The following NOVA1 variants were observed in gnomAD, a reference collection of about 807,000 sequenced individuals.
The protein encoded by NOVA1 is NOVA alternative splicing regulator 1, also known as RNA-binding protein Nova-1.
In NOVA1, 7 loss-of-function variants were observed where a neutral mutation model predicts 38.0. The observed-to-expected ratio is 0.18, with a 90% CI of 0.10 to 0.35. NOVA1 has a LOEUF of 0.35. Among genes scored for constraint, NOVA1 ranks in the 10% least tolerant of loss-of-function variants. The pLI is 1.00. For missense variants in NOVA1, 460 were observed against 616.0 expected, an observed-to-expected ratio of 0.75 and a Z score of 2.68; for synonymous variants, 270 against 232.5, an observed-to-expected ratio of 1.16 and a Z score of -1.47.
At position 26,448,730 on chromosome 14, in the gene NOVA1, G is replaced by A. The variant is rs373799157; in HGVS notation, c.753C>T (p.Leu251=). The A allele has an allele frequency of 6.2e-7, 1 of 1,614,050 alleles. No individual in the cohort carries two copies. The highest frequency in any genetic ancestry group is 1.7e-5 in the Admixed American group (1 of 59,994). ...CTGTCACATTGGCATAACTGATATTGAGACAGCTGCCACTTTGTGGATCCT... is the reference window on the plus strand; with the variant it reads ...CTGTCACATTGGCATAACTGATATTAAGACAGCTGCCACTTTGTGGATCCT... ...IQEDPQSGSC[L]NISYANVTGP... The change falls in exon 5 of 5, where the codon CTC becomes CTT. Residue 251 remains leucine, a synonymous_variant. Coordinates refer to ENST00000539517, the MANE Select transcript of NOVA1 (RefSeq NM_002515.3). This position sits in a 1 kb window ranked among gnomAD's most constrained non-coding sequence, Gnocchi z 5.3.
chr14:26,533,971 C>A (rs578259170), intron 2 of NOVA1, among the ~76,000 whole-genome samples: 3 of 152,252 alleles, frequency 2.0e-5, no homozygotes, highest in African/African-American at 7.2e-5. Flanking sequence ...TGTGATATTT[C>A]AAACTATAAA....
Position 26,527,074 on chromosome 14 carries a change from G to C in NOVA1, c.281-46931C>G, listed in dbSNP as rs189273546. Among the ~76,000 whole-genome samples the C allele has an allele frequency of 9.2e-5, 14 of 152,324 alleles. No homozygotes were observed. In the East Asian group the frequency reaches 2.5e-3, roughly 27 times the overall value. ...AGGTGCTCTGGGCCACTGCAGCTGT[G>C]TGGCCCCAAGGAAAACTGTTTAAAA... On this transcript the variant is annotated intron_variant, in intron 2 of 4. Coordinates refer to ENST00000539517, the MANE Select transcript of NOVA1 (RefSeq NM_002515.3).
rs1218124205 is a variant in NOVA1 at position 26,472,299 on chromosome 14, G to GA, written c.519+20dup. On this transcript the variant is annotated intron_variant, in intron 4 of 4. Transcript: ENST00000539517. ...AATCACCCGTGAAAAGTATGGTGTA[G>GA]ATGACAGGATGATACTGTACCTGAT... The GA allele has an allele frequency of 7.5e-6, 11 of 1,462,184 alleles. No homozygotes were observed. The South Asian group carries it at 1.0e-4, about 14-fold the overall frequency. 90.6% of individuals were successfully genotyped at this position (1,462,184 alleles called of 1,614,324 possible).
intron 2 of NOVA1, among the ~76,000 whole-genome samples, chr14:26,487,036 T>A (rs1566469095): frequency 6.6e-6 from 1 of 152,136 alleles, no homozygotes; most frequent in Non-Finnish European, 1.5e-5. Context: ...AAATAGATGA[T>A]TTACATTCAT....
At chr14:26,594,291 T>G (rs1195319520) in intron 2 of NOVA1, 2 of 152,006 alleles carry the variant, frequency 1.3e-5, no homozygotes, top group African/African-American at 4.8e-5. Context: ...TTATCCAGTA[T>G]AATGGTCCAT....
At chr14:26,554,107 C>T (rs1891330266) in intron 2 of NOVA1, among the ~76,000 whole-genome samples, 1 of 148,334 alleles carries the variant, frequency 6.7e-6, no homozygotes, top group East Asian at 2.0e-4. Context: ...CAAGACTGCA[C>T]CACTGCATTC....
intron 2 of NOVA1, among the ~76,000 whole-genome samples, chr14:26,530,470 A>G (rs1219060519): frequency 6.6e-6 from 1 of 152,196 alleles, no homozygotes; most frequent in African/African-American, 2.4e-5. Flanking sequence ...GTGCCTATAT[A>G]TAAATAAATA....
At chr14:26,566,058 T>C (rs1892119090) in intron 2 of NOVA1, among the ~76,000 whole-genome samples, 1 of 152,102 alleles carries the variant, frequency 6.6e-6, no homozygotes, top group Non-Finnish European at 1.5e-5. Flanking sequence ...ATATGAATGA[T>C]GAAATATTCC....
rs535198163 is a variant in NOVA1 at position 26,547,451 on chromosome 14, T to C, written c.280+47959A>G. ...TAAAAAGTTCCCATCTGATTCTTTT[T>C]CAAATCCCATACACTATGGGTATAA... On this transcript the variant is annotated intron_variant, in intron 2 of 4. Coordinates refer to ENST00000539517, the MANE Select transcript of NOVA1 (RefSeq NM_002515.3). 3.2e-4 allele frequency among the ~76,000 whole-genome samples: 49 copies of C among 152,292 alleles called. No individual in the cohort carries two copies. The South Asian group carries it at 0.01, about 32-fold the overall frequency.
At chr14:26,556,385 T>A (rs939413033) in intron 2 of NOVA1, among the ~76,000 whole-genome samples, 1 of 152,050 alleles carries the variant, frequency 6.6e-6, no homozygotes, top group Non-Finnish European at 1.5e-5. Context: ...AGAGAGGAGG[T>A]AATTCAATAC....
intron 2 of NOVA1, among the ~76,000 whole-genome samples, chr14:26,595,155 T>A (rs1894111601): frequency 6.6e-6 from 1 of 152,178 alleles, no homozygotes; most frequent in Non-Finnish European, 1.5e-5. Flanking sequence ...TTTTTGCTAA[T>A]AAGAATTATT....
chr14:26,579,937 AT>A (rs1218864424), intron 2 of NOVA1, among the ~76,000 whole-genome samples: 1 of 152,012 alleles, frequency 6.6e-6, no homozygotes, highest in Admixed American at 6.6e-5. Flanking sequence ...AAATTAAATT[AT>A]TTTTAGAGAT....
intron 2 of NOVA1, chr14:26,593,909 A>G (rs1689882085): frequency 6.6e-6 from 1 of 151,920 alleles, no homozygotes; most frequent in African/African-American, 2.4e-5. Context: ...TTTCATTTTC[A>G]TCTATTGACA....
chr14:26,596,626 A>C, intron 1 of NOVA1: 4 of 1,289,182 alleles, frequency 3.1e-6, no homozygotes, highest in Non-Finnish European at 2.0e-6. Flanking sequence ...GCAAATGAAG[A>C]AGCGATATCG....
chr14:26,483,969 G>A (rs1246361899), intron 2 of NOVA1, among the ~76,000 whole-genome samples: 1 of 152,074 alleles, frequency 6.6e-6, no homozygotes, highest in African/African-American at 2.4e-5. Context: ...GTGAGATTAT[G>A]GCATCAGTTT....
intron 4 of NOVA1, among the ~76,000 whole-genome samples, chr14:26,459,126 C>A (rs1479537079): frequency 1.3e-5 from 2 of 152,030 alleles, no homozygotes; most frequent in East Asian, 3.9e-4. Context: ...ATTTCCAGCT[C>A]TGGGTGAATG....
chr14:26,482,003 AAAAAAAAAAAAC>A (rs1464666533), intron 2 of NOVA1, among the ~76,000 whole-genome samples: 11 of 150,990 alleles, frequency 7.3e-5, no homozygotes, highest in Non-Finnish European at 1.5e-4. Context: ...AAAAAAAAAA[AAAAAAAAAAAAC>A]ATGGCTCTAA....
intron 2 of NOVA1, among the ~76,000 whole-genome samples, chr14:26,512,105 C>A (rs1315581841): frequency 6.6e-6 from 1 of 151,986 alleles, no homozygotes; most frequent in African/African-American, 2.4e-5. Flanking sequence ...GTAAAGAAAC[C>A]TTTAAAAAGA....
intron 2 of NOVA1, among the ~76,000 whole-genome samples, chr14:26,487,226 A>G (rs1885988544): frequency 1.3e-5 from 2 of 152,170 alleles, no homozygotes; most frequent in Admixed American, 6.5e-5. Context: ...CAAGAAATGA[A>G]GCAATTCAAA....
Sources: gnomAD v4.1 joint callset for allele counts (sites outside exome capture counted in the v4.1 genomes callset) on GRCh38, gnomAD v4.1.1 for gene constraint, Gnocchi (gnomAD v3.1) non-coding constraint, MANE v1.5 for transcripts, NCBI Gene and HGNC (gene_info 2026-07-23, HGNC 2026-07-21) for gene names.